The following OSBPL3 variants were observed in gnomAD, a reference collection of about 807,000 sequenced individuals.
OSBPL3 encodes the protein oxysterol-binding protein-related protein 3.
Under a neutral mutation model 120.1 loss-of-function variants are expected in OSBPL3, and 65 were observed. That is an observed-to-expected ratio of 0.54 (90% CI 0.44 to 0.67). The LOEUF (loss-of-function observed/expected upper bound fraction) is 0.67. Ranked by LOEUF, OSBPL3 falls within the 30% of genes least tolerant of loss-of-function variation. OSBPL3 has a pLI of 0.00. For missense variants in OSBPL3, 1,004 were observed against 1,082.1 expected (o/e 0.93, Z 1.01); for synonymous variants, 416 against 402.6 (o/e 1.03, Z -0.40).
intron 1 of OSBPL3, among the ~76,000 whole-genome samples, chr7:24,904,815 A>T (rs1807617892): frequency 6.6e-6 from 1 of 151,996 alleles, no homozygotes; most frequent in African/African-American, 2.4e-5. Flanking sequence ...TCATAGAAAC[A>T]GAAAGAAGAA....
rs866195559 is a variant in OSBPL3 at position 24,863,531 on chromosome 7, G to A, written c.742C>T (p.Arg248Trp). Residue 248 changes from arginine to tryptophan, a missense_variant, in exon 8 of 23, where the codon CGG becomes TGG. Arg to Trp is a moderately radical substitution (Grantham distance 101). Around this residue, in one of 4 missense-constraint regions of OSBPL3, gnomAD observed 272 missense variants for 248.8 expected, o/e 1.09. Transcript: ENST00000313367. This position sits in a 1 kb window ranked among gnomAD's most constrained non-coding sequence, Gnocchi z 5.8. ...QLLQSMDVLH[R>W]TYSAPAINAI... is the part of the protein sequence containing the mutation. The stretch of plus-strand genomic sequence containing the variant: ...TTGATAGCTGGTGCCGAGTATGTCC[G>A]ATGCAGGACGTCCATGCTTTGCAGG... 3.7e-6 allele frequency: 6 copies of A among 1,614,006 alleles called. No individual in the cohort carries two copies. The highest frequency in any genetic ancestry group is 1.3e-5 in the African/African-American group (1 of 75,034).
rs1285603332 is a variant in OSBPL3, at chr7:24,947,764, C to T, written c.-150+32122G>A. 7.1e-6 allele frequency among the ~76,000 whole-genome samples: 1 copy of T among 140,042 alleles called. No homozygotes were observed. The allele number at this position is 140,042 out of a possible 152,430, so 91.9% of individuals were successfully genotyped here. A position where few individuals can be genotyped will look rare whatever the true frequency, so the allele number is the denominator to read the frequency against. ...ATGCATGTGTATATATGTATACATACATATCCAATTAAATCACACACACAC... is the reference window on the plus strand; with the variant it reads ...ATGCATGTGTATATATGTATACATATATATCCAATTAAATCACACACACAC... On this transcript the variant is annotated intron_variant, in intron 1 of 22. Transcript: ENST00000313367. This position sits in a 1 kb window ranked among gnomAD's most constrained non-coding sequence, Gnocchi z 4.4.
chr7:24,921,912 A>G (rs1369766013), intron 1 of OSBPL3, among the ~76,000 whole-genome samples: 5 of 152,222 alleles, frequency 3.3e-5, no homozygotes, highest in Non-Finnish European at 5.9e-5. Context: ...AGGAAGATAC[A>G]TGAAAAGTAG....
chr7:24,841,007 A>G (rs2128200550), intron 13 of OSBPL3, among the ~76,000 whole-genome samples: 1 of 152,358 alleles, frequency 6.6e-6, no homozygotes, highest in Middle Eastern at 3.4e-3. Context: ...CACAAGGAAA[A>G]CAGCAAGCAA....
chr7:24,834,220 A>G lies in OSBPL3; in HGVS notation c.1746+266T>C. ...CAATCAGCCAGAAGGCTTCTGGAGA[A>G]AGAGGAAGCACAAACCCACAGAACA... On this transcript the variant is annotated intron_variant, in intron 15 of 22. Transcript: ENST00000313367. This position sits in a 1 kb window ranked among gnomAD's most constrained non-coding sequence, Gnocchi z 5.2. 3.4e-6 allele frequency: 4 copies of G among 1,182,220 alleles called. No individual in the cohort carries two copies. Among genetic ancestry groups the G allele is most frequent in the Non-Finnish European group, 4.2e-6 (4 of 945,276 alleles). 73.2% of individuals were successfully genotyped at this position (1,182,220 alleles called of 1,614,324 possible).
In OSBPL3 at chr7:24,964,029, G is replaced by A. The variant is rs1362586039; in HGVS notation, c.-150+15857C>T. Among the ~76,000 whole-genome samples, 5 of 152,028 alleles carry A rather than the reference G, an allele frequency of 3.3e-5. No individual in the cohort carries two copies. Among genetic ancestry groups the A allele is most frequent in the African/African-American group, 9.7e-5 (4 of 41,382 alleles). The stretch of plus-strand genomic sequence containing the variant: ...GCACTCCTAATAGCTAAAGCTGGAC[G>A]AACTTCAGAAACAAAATAAAGTACT... On this transcript the variant is annotated intron_variant, in intron 1 of 22. Coordinates refer to ENST00000313367, the MANE Select transcript of OSBPL3 (RefSeq NM_015550.4). The surrounding 1 kb of genome is among the most constrained non-coding windows in gnomAD (Gnocchi z 4.2).
At chr7:24,901,112 G>A (rs1400091190) in intron 1 of OSBPL3, among the ~76,000 whole-genome samples, 1 of 151,576 alleles carries the variant, frequency 6.6e-6, no homozygotes, top group African/African-American at 2.4e-5. Flanking sequence ...GGCGGATCAC[G>A]AGGTCAAGAG....
At chr7:24,838,809 C>T (rs559236184) in intron 14 of OSBPL3, among the ~76,000 whole-genome samples, 2 of 152,344 alleles carry the variant, frequency 1.3e-5, no homozygotes, top group Admixed American at 1.3e-4. Context: ...CTTCATTTCT[C>T]TTTCAACTTG....
Position 24,912,624 on chromosome 7 carries a change from T to C in OSBPL3, c.-149-20003A>G, listed in dbSNP as rs567991013. Among the ~76,000 whole-genome samples, 1 of 152,210 alleles carries C rather than the reference T, an allele frequency of 6.6e-6. No homozygotes were observed. The highest frequency in any genetic ancestry group is 6.5e-5 in the Admixed American group (1 of 15,308). On this transcript the variant is annotated intron_variant, in intron 1 of 22. Coordinates refer to ENST00000313367, the MANE Select transcript of OSBPL3 (RefSeq NM_015550.4). The surrounding 1 kb of genome is among the most constrained non-coding windows in gnomAD (Gnocchi z 4.5). ...GCTCCTGAAAATGAGAAGCACCCAGTCTCCAGACCCAAGGCAGACGTCAAG... is the reference window on the plus strand; with the variant it reads ...GCTCCTGAAAATGAGAAGCACCCAGCCTCCAGACCCAAGGCAGACGTCAAG...
intron 17 of OSBPL3, 102 bp from the exon 18 acceptor site, chr7:24,816,790 TTCACAA>T: frequency 1.3e-6 from 1 of 773,082 alleles, no homozygotes; most frequent in Non-Finnish European, 2.3e-6. Context: ...GTACAACCTC[TTCACAA>T]TCAAGTCAAT....
rs1810548869 is a variant in OSBPL3 at position 24,922,740 on chromosome 7, C to T, written c.-149-30119G>A. On this transcript the variant is annotated intron_variant, in intron 1 of 22. Coordinates refer to ENST00000313367, the MANE Select transcript of OSBPL3 (RefSeq NM_015550.4). The surrounding 1 kb of genome is among the most constrained non-coding windows in gnomAD (Gnocchi z 4.3). ...CTTGCTATGAACTCTGTTCTTTGCACGTAATCCCCTAGTCCTGCTTCAGGC... is the reference window on the plus strand; with the variant it reads ...CTTGCTATGAACTCTGTTCTTTGCATGTAATCCCCTAGTCCTGCTTCAGGC... 6.6e-6 allele frequency among the ~76,000 whole-genome samples: 1 copy of T among 152,088 alleles called. No homozygotes were observed. Among genetic ancestry groups the T allele is most frequent in the Admixed American group, 6.5e-5 (1 of 15,272 alleles).
Position 24,871,683 on chromosome 7 carries a change from G to T in OSBPL3, c.267+59C>A. ...CAACTATACACACTCTCATCTCTGA[G>T]CTGATGGTTACCCCTTTAGGATTCT... On this transcript the variant is annotated intron_variant, in intron 4 of 22. Coordinates refer to ENST00000313367, the MANE Select transcript of OSBPL3 (RefSeq NM_015550.4). The surrounding 1 kb of genome is among the most constrained non-coding windows in gnomAD (Gnocchi z 4.8). 1 of 1,232,174 alleles carries T rather than the reference G, an allele frequency of 8.1e-7. No homozygotes were observed. Among genetic ancestry groups the T allele is most frequent in the Non-Finnish European group, 1.2e-6 (1 of 837,552 alleles). The allele number at this position is 1,232,174 out of a possible 1,614,324, so 76.3% of individuals were successfully genotyped here. A position where few individuals can be genotyped will look rare whatever the true frequency, so the allele number is the denominator to read the frequency against.
At position 24,871,470 on chromosome 7, in the gene OSBPL3, G is replaced by A. The variant is rs1802101796; in HGVS notation, c.267+272C>T. Among the ~76,000 whole-genome samples, 1 of 149,504 alleles carries A rather than the reference G, an allele frequency of 6.7e-6. No homozygotes were observed. The highest frequency in any genetic ancestry group is 1.5e-5 in the Non-Finnish European group (1 of 67,392). ...TTTGTTCCTGTTATCTAGCTGCAAG[G>A]ATGTATTCTCCCACCCCAGGAACTC... On this transcript the variant is annotated intron_variant, in intron 4 of 22. Transcript: ENST00000313367. This position sits in a 1 kb window ranked among gnomAD's most constrained non-coding sequence, Gnocchi z 4.8.
chr7:24,859,851 C>G (rs1468177304), intron 10 of OSBPL3, among the ~76,000 whole-genome samples: 1 of 152,064 alleles, frequency 6.6e-6, no homozygotes, highest in African/African-American at 2.4e-5. Flanking sequence ...AGTGAGTATT[C>G]TATTATATTA....
chr7:24,884,300 G>A (rs1804150639), intron 2 of OSBPL3, among the ~76,000 whole-genome samples: 1 of 152,058 alleles, frequency 6.6e-6, no homozygotes, highest in East Asian at 1.9e-4. Context: ...TTGGTTGCCG[G>A]GTCACCTACC....
intron 1 of OSBPL3, among the ~76,000 whole-genome samples, chr7:24,929,363 C>T (rs1452376040): frequency 6.6e-6 from 1 of 152,100 alleles, no homozygotes; most frequent in African/African-American, 2.4e-5. Context: ...TTGCTAACGC[C>T]GTAAAGACCA....
In OSBPL3 at chr7:24,809,854, C is replaced by G. The variant is rs1394925693; in HGVS notation, c.2270G>C (p.Ser757Thr). Residue 757 changes from serine to threonine, a missense_variant, in exon 20 of 23, where the codon AGC becomes ACC. Transcript: ENST00000313367. ...AGAGGAGCCGCCGCCACAGTAGATG[C>G]TTTCATGCCATTTCCCAAACAGCCG... ...VHRLFGKWHESIYCGGGSSSA... is the reference protein window; with the variant it reads ...VHRLFGKWHETIYCGGGSSSA... The G allele has an allele frequency of 6.2e-7, 1 of 1,614,208 alleles. No individual in the cohort carries two copies. Among genetic ancestry groups the G allele is most frequent in the Non-Finnish European group, 8.5e-7 (1 of 1,180,034 alleles).
At chr7:24,878,043 G>C (rs910808318) in intron 2 of OSBPL3, among the ~76,000 whole-genome samples, 43 of 152,184 alleles carry the variant, frequency 2.8e-4, no homozygotes, top group Non-Finnish European at 5.6e-4. Context: ...ATTAAATTTA[G>C]TCTGTTTTAC....
intron 1 of OSBPL3, among the ~76,000 whole-genome samples, chr7:24,895,198 A>G (rs1805958184): frequency 6.6e-6 from 1 of 152,226 alleles, no homozygotes; most frequent in African/African-American, 2.4e-5. Context: ...ATATAGTCGC[A>G]TGCCACATCA....
Sources: gnomAD v4.1 joint callset for allele counts (sites outside exome capture counted in the v4.1 genomes callset) on GRCh38, gnomAD v4.1.1 for gene constraint, gnomAD v4.1.1 regional missense constraint, Gnocchi (gnomAD v3.1) non-coding constraint, MANE v1.5 for transcripts, NCBI Gene and HGNC (gene_info 2026-07-23, HGNC 2026-07-21) for gene names.